PDGFD: variants seen among roughly 807,000 people sequenced by gnomAD.
The protein encoded by PDGFD is platelet derived growth factor D.
PDGFD carries 30 observed loss-of-function variants against 44.7 expected under a neutral mutation model. That is an observed-to-expected ratio of 0.67 (90% confidence interval 0.50 to 0.91). The LOEUF (loss-of-function observed/expected upper bound fraction) is 0.91. Ranked by LOEUF, PDGFD falls within the 40% of genes least tolerant of loss-of-function variation. The probability of loss-of-function intolerance (pLI) is 0.00; values close to 1 mark genes in which losing one functional copy is unlikely to be tolerated. For missense variants in PDGFD, 445 were observed against 457.8 expected (o/e 0.97, Z 0.25); for synonymous variants, 173 against 168.4 (o/e 1.03, Z -0.21).
chr11:104,051,326 G>A (rs1187302719), intron 1 of PDGFD, among the ~76,000 whole-genome samples: 2 of 152,100 alleles, frequency 1.3e-5, no homozygotes, highest in African/African-American at 2.4e-5. Context: ...AGTTGACAAG[G>A]ACAGGGCAAT....
At chr11:104,144,538 A>AAAAAAAAAAAACC (rs1565347744) in intron 1 of PDGFD, among the ~76,000 whole-genome samples, 27 of 134,286 alleles carry the variant, frequency 2.0e-4, no homozygotes, top group African/African-American at 7.7e-4. Context: ...ACCCAACAAA[A>AAAAAAAAAAAACC]CAAAACAAAC....
At chr11:104,152,942 A>G (rs1432799303) in intron 1 of PDGFD, among the ~76,000 whole-genome samples, 2 of 152,092 alleles carry the variant, frequency 1.3e-5, no homozygotes, top group African/African-American at 4.8e-5. Context: ...TATTTTAAAA[A>G]CTTTATAATA....
At chr11:103,953,347 C>T (rs1858786903) in intron 3 of PDGFD, among the ~76,000 whole-genome samples, 1 of 151,888 alleles carries the variant, frequency 6.6e-6, no homozygotes, top group Admixed American at 6.6e-5. Context: ...AAATCAAAAG[C>T]TTATACAAGA....
chr11:104,071,983 G>C (rs1860884790), intron 1 of PDGFD, among the ~76,000 whole-genome samples: 1 of 151,316 alleles, frequency 6.6e-6, no homozygotes, highest in Admixed American at 6.6e-5. Context: ...TAATTACAGA[G>C]GCTTTATAAT....
At chr11:103,914,798 C>A (rs1012286221) in intron 6 of PDGFD, among the ~76,000 whole-genome samples, 1 of 152,130 alleles carries the variant, frequency 6.6e-6, no homozygotes, top group Non-Finnish European at 1.5e-5. Context: ...TCAAAATATG[C>A]AAATCAATAA....
chr11:103,935,139 G>A (rs1858469212), intron 5 of PDGFD, among the ~76,000 whole-genome samples: 1 of 152,132 alleles, frequency 6.6e-6, no homozygotes, highest in African/African-American at 2.4e-5. Flanking sequence ...ACTGTCAACT[G>A]GATTTTTCCT....
chr11:104,110,062 A>T (rs562024284), intron 1 of PDGFD, among the ~76,000 whole-genome samples: 1 of 152,304 alleles, frequency 6.6e-6, no homozygotes, highest in East Asian at 1.9e-4. Context: ...CAATTTAATT[A>T]AAAATAAAGC....
intron 3 of PDGFD, among the ~76,000 whole-genome samples, chr11:103,967,763 T>C (rs1859043631): frequency 6.6e-6 from 1 of 152,166 alleles, no homozygotes; most frequent in African/African-American, 2.4e-5. Context: ...CTTCCACCCA[T>C]ATCTTTATTC....
At chr11:104,102,700 T>G (rs1260074696) in intron 1 of PDGFD, among the ~76,000 whole-genome samples, 1 of 152,154 alleles carries the variant, frequency 6.6e-6, no homozygotes, top group African/African-American at 2.4e-5. Flanking sequence ...AGTGATAGAC[T>G]GGATTAAGAA....
At chr11:104,023,541 T>C (rs1310965914) in intron 1 of PDGFD, among the ~76,000 whole-genome samples, 2 of 152,174 alleles carry the variant, frequency 1.3e-5, no homozygotes, top group East Asian at 1.9e-4. Context: ...CTTTAGTATA[T>C]AAAAGCGCAC....
At chr11:104,069,148 T>A (rs1283697333) in intron 1 of PDGFD, among the ~76,000 whole-genome samples, 1 of 152,226 alleles carries the variant, frequency 6.6e-6, no homozygotes, top group African/African-American at 2.4e-5. Context: ...TCTTTTAATC[T>A]GAAAGCGTTT....
Position 104,024,396 on chromosome 11 carries a change from G to C in PDGFD, c.125-24141C>G, listed in dbSNP as rs150934858. On this transcript the variant is annotated intron_variant, in intron 1 of 6. Coordinates refer to ENST00000393158, the MANE Select transcript of PDGFD (RefSeq NM_025208.5). ...GGAACCACAGTGAGTTGACTGAACT[G>C]CATATAAATAACTGATACTTAAGCT... Among the ~76,000 whole-genome samples the C allele has an allele frequency of 4.4e-3, 676 of 152,246 alleles. 5 individuals are homozygous for C. The highest frequency in any genetic ancestry group is 0.015 in the African/African-American group (637 of 41,554).
chr11:103,936,256 C>T (rs1304230588), intron 5 of PDGFD, among the ~76,000 whole-genome samples: 1 of 152,176 alleles, frequency 6.6e-6, no homozygotes, highest in Non-Finnish European at 1.5e-5. Flanking sequence ...TGATCTGACT[C>T]ATCACTGGTG....
intron 1 of PDGFD, among the ~76,000 whole-genome samples, chr11:104,015,806 TC>T (rs2134378120): frequency 6.6e-6 from 1 of 152,344 alleles, no homozygotes; most frequent in African/African-American, 2.4e-5. Flanking sequence ...TCACCCATTT[TC>T]CATTTCTATT....
chr11:103,925,404 T>C (rs185185256), intron 6 of PDGFD, among the ~76,000 whole-genome samples: 4 of 151,910 alleles, frequency 2.6e-5, no homozygotes, highest in Admixed American at 2.0e-4. Flanking sequence ...TTTTAGTTTA[T>C]ATTTTAAAAC....
chr11:104,108,616 G>A (rs1861502736), intron 1 of PDGFD, among the ~76,000 whole-genome samples: 1 of 152,196 alleles, frequency 6.6e-6, no homozygotes, highest in Non-Finnish European at 1.5e-5. Flanking sequence ...CTGTAAACTA[G>A]TTCAACCACT....
intron 1 of PDGFD, among the ~76,000 whole-genome samples, chr11:104,001,175 T>C (rs1423059615): frequency 6.6e-6 from 1 of 152,226 alleles, no homozygotes; most frequent in Admixed American, 6.5e-5. Context: ...TCCACTCATG[T>C]TGATAATGAT....
intron 1 of PDGFD, among the ~76,000 whole-genome samples, chr11:104,084,415 GA>G (rs1861090918): frequency 2.0e-5 from 3 of 152,122 alleles, no homozygotes; most frequent in South Asian, 4.1e-4. Context: ...CCAGGAAGAA[GA>G]AAGGGCTGGT....
At chr11:104,093,656 C>T (rs1275857223) in intron 1 of PDGFD, among the ~76,000 whole-genome samples, 1 of 151,916 alleles carries the variant, frequency 6.6e-6, no homozygotes, top group Non-Finnish European at 1.5e-5. Context: ...CACTTTTAGC[C>T]AATGACTCTA....
Sources: allele counts gnomAD v4.1 joint callset (sites outside exome capture counted in the v4.1 genomes callset), GRCh38; gene constraint gnomAD v4.1.1; transcripts MANE v1.5; gene names NCBI Gene and HGNC (gene_info 2026-07-23, HGNC 2026-07-21).